TMEM108: variants seen among roughly 807,000 people sequenced by gnomAD.
The protein encoded by TMEM108 is transmembrane protein 108, also known as cancer/testis antigen 124.
Under a neutral mutation model 35.1 loss-of-function variants are expected in TMEM108, and 12 were observed. The observed-to-expected ratio is 0.34, with a 90% CI of 0.22 to 0.55. The LOEUF (loss-of-function observed/expected upper bound fraction) is 0.55. Ranked by LOEUF, TMEM108 falls within the 20% of genes least tolerant of loss-of-function variation. The pLI is 0.89. For synonymous variants in TMEM108, 287 were observed against 308.6 expected (o/e 0.93, Z 0.73); for missense variants, 680 against 753.3 (o/e 0.90, Z 1.14).
chr3:133,217,955 A>ATT (rs1945933465), intron 2 of TMEM108, among the ~76,000 whole-genome samples: 1 of 152,040 alleles, frequency 6.6e-6, no homozygotes, highest in Admixed American at 6.6e-5. Flanking sequence ...CTTTCTGTAA[A>ATT]AAATGTCATT....
intron 5 of TMEM108, among the ~76,000 whole-genome samples, chr3:133,391,376 G>C (rs1374770044): frequency 6.6e-6 from 1 of 152,188 alleles, no homozygotes; most frequent in Non-Finnish European, 1.5e-5. Flanking sequence ...AAGAGTTCTT[G>C]TGGAGGTGCA....
chr3:133,336,568 G>A (rs1016789302), intron 3 of TMEM108, among the ~76,000 whole-genome samples: 5 of 152,056 alleles, frequency 3.3e-5, no homozygotes, highest in Admixed American at 6.6e-5. Flanking sequence ...CATGGGTCTT[G>A]GGTGGGACTC....
chr3:133,091,439 A>G (rs1321467066), intron 2 of TMEM108, among the ~76,000 whole-genome samples: 1 of 152,176 alleles, frequency 6.6e-6, no homozygotes. Flanking sequence ...CTTAATGCAC[A>G]TCTGTCATAA....
At chr3:133,122,106 A>G (rs1944359993) in intron 2 of TMEM108, among the ~76,000 whole-genome samples, 1 of 152,084 alleles carries the variant, frequency 6.6e-6, no homozygotes, top group Non-Finnish European at 1.5e-5. Flanking sequence ...TTGTATATGT[A>G]CGGTGCTTCT....
At chr3:133,084,009 T>G (rs16839966) in intron 2 of TMEM108, among the ~76,000 whole-genome samples, 9,584 of 152,210 alleles carry the variant, frequency 0.063, 1,024 homozygotes, top group African/African-American at 0.22. Context: ...GGAGCAGAGA[T>G]AAGGCATCCA....
intron 3 of TMEM108, among the ~76,000 whole-genome samples, chr3:133,267,745 T>C (rs990341299): frequency 8.5e-5 from 13 of 152,218 alleles, no homozygotes; most frequent in Non-Finnish European, 1.6e-4. Context: ...TAAAATCTTT[T>C]ACTCATGTTG....
intron 3 of TMEM108, among the ~76,000 whole-genome samples, chr3:133,342,741 T>A (rs2071703696): frequency 6.6e-6 from 1 of 150,470 alleles, no homozygotes; most frequent in Non-Finnish European, 1.5e-5. Context: ...AGAATTGTGA[T>A]TACTGGAGCC....
intron 2 of TMEM108, among the ~76,000 whole-genome samples, chr3:133,190,168 C>G (rs1945478304): frequency 6.6e-6 from 1 of 151,804 alleles, no homozygotes; most frequent in Non-Finnish European, 1.5e-5. Flanking sequence ...ATTATTTTTT[C>G]TCTGTTTTTA....
At chr3:133,165,906 C>T (rs9820287) in intron 2 of TMEM108, among the ~76,000 whole-genome samples, 27,610 of 152,118 alleles carry the variant, frequency 0.18, 2,599 homozygotes, top group Middle Eastern at 0.27. Context: ...CAATTAGGCC[C>T]TATATGTCCA....
At chr3:133,174,513 G>T (rs760068427) in intron 2 of TMEM108, among the ~76,000 whole-genome samples, 2 of 152,202 alleles carry the variant, frequency 1.3e-5, no homozygotes, top group African/African-American at 4.8e-5. Context: ...AACATTTGCT[G>T]TTCAACAATA....
Position 133,359,308 on chromosome 3 carries a change from G to A in TMEM108, c.41-20444G>A, listed in dbSNP as rs139795642. Among the ~76,000 whole-genome samples the A allele has an allele frequency of 2.6e-3, 401 of 152,254 alleles. 5 individuals carry two copies. Among genetic ancestry groups the A allele is most frequent in the African/African-American group, 9.1e-3 (379 of 41,534 alleles). Reference sequence around the variant, plus strand: ...TTCTTAGAGTTTTTAATAAGTTAATGTGCATTATGAATTTCTAAGAGGTTG... The same window carrying A: ...TTCTTAGAGTTTTTAATAAGTTAATATGCATTATGAATTTCTAAGAGGTTG... On this transcript the variant is annotated intron_variant, in intron 3 of 5. Coordinates refer to ENST00000321871, the MANE Select transcript of TMEM108 (RefSeq NM_023943.4).
chr3:133,128,033 C>T (rs1463175272), intron 2 of TMEM108, among the ~76,000 whole-genome samples: 2 of 152,050 alleles, frequency 1.3e-5, no homozygotes, highest in Non-Finnish European at 2.9e-5. Context: ...TTATCTGTTC[C>T]CTAAAGAGGA....
intron 3 of TMEM108, among the ~76,000 whole-genome samples, chr3:133,310,841 G>A (rs905314163): frequency 3.3e-5 from 5 of 152,140 alleles, no homozygotes; most frequent in African/African-American, 9.7e-5. Context: ...AATTTGCCAT[G>A]TTTTTGCAGT....
chr3:133,084,403 G>A (rs1309976328), intron 2 of TMEM108, among the ~76,000 whole-genome samples: 1 of 152,080 alleles, frequency 6.6e-6, no homozygotes, highest in Admixed American at 6.6e-5. Flanking sequence ...AGAAGAAATG[G>A]CCTCAAATTT....
intron 2 of TMEM108, among the ~76,000 whole-genome samples, chr3:133,221,660 C>CTTTTTTTTTTTTTTTTTTTTTTTTTTTT (rs3078806): frequency 1.7e-5 from 1 of 60,356 alleles, no homozygotes; most frequent in Non-Finnish European, 3.0e-5. Context: ...ACATTGATTC[C>CTTTTTTTTTTTTTTTTTTTTTTTTTTTT]TTTTTTTTTT....
At chr3:133,092,061 C>T (rs140753111) in intron 2 of TMEM108, among the ~76,000 whole-genome samples, 1 of 152,284 alleles carries the variant, frequency 6.6e-6, no homozygotes, top group African/African-American at 2.4e-5. Context: ...CAAGGCATGT[C>T]TTGGGAGGAA....
intron 3 of TMEM108, among the ~76,000 whole-genome samples, chr3:133,332,904 T>C (rs2071414663): frequency 6.6e-6 from 1 of 152,236 alleles, no homozygotes; most frequent in South Asian, 2.1e-4. Context: ...GCTCCAAGTA[T>C]CAGATCCCTG....
chr3:133,189,508 T>A (rs149550448), intron 2 of TMEM108, among the ~76,000 whole-genome samples: 71 of 152,356 alleles, frequency 4.7e-4, no homozygotes, highest in African/African-American at 1.5e-3. Flanking sequence ...TTCCTCTGTG[T>A]GGTAGAAGAG....
At chr3:133,048,143 G>C (rs570473781) in intron 2 of TMEM108, among the ~76,000 whole-genome samples, 1 of 152,286 alleles carries the variant, frequency 6.6e-6, no homozygotes, top group East Asian at 1.9e-4. Flanking sequence ...CTGTTCAAAA[G>C]AGCAGTCAAG....
Sources: gnomAD v4.1 joint callset for allele counts (sites outside exome capture counted in the v4.1 genomes callset) on GRCh38, gnomAD v4.1.1 for gene constraint, MANE v1.5 for transcripts, NCBI Gene and HGNC (gene_info 2026-07-23, HGNC 2026-07-21) for gene names.